Variants in UNC93B1 observed in about 807,000 individuals in gnomAD.
UNC93B1 encodes protein unc-93 homolog B1.
UNC93B1 carries 33 observed loss-of-function variants against 56.8 expected under a neutral mutation model. That is an observed-to-expected ratio of 0.58 (90% CI 0.44 to 0.78). The LOEUF (loss-of-function observed/expected upper bound fraction) is 0.78, where lower values mean the gene tolerates loss of function less well. Among genes scored for constraint, UNC93B1 ranks in the 30% least tolerant of loss-of-function variants. The pLI is 0.00. For synonymous variants in UNC93B1, 334 were observed against 358.6 expected (o/e 0.93, Z 0.77); for missense variants, 673 against 819.5 (o/e 0.82, Z 2.18).
At chr11:68,002,105 C>G (rs1857053376) in intron 3 of UNC93B1, among the ~76,000 whole-genome samples, 1 of 151,636 alleles carries the variant, frequency 6.6e-6, no homozygotes, top group South Asian at 2.1e-4. Flanking sequence ...CACCACTGCA[C>G]TGCAGTCTAG....
At position 68,003,530 on chromosome 11, in the gene UNC93B1, G is replaced by A; in HGVS notation, c.238+127C>T. 1 of 1,324,204 alleles carries A rather than the reference G, an allele frequency of 7.6e-7. No homozygotes were observed. Among genetic ancestry groups the A allele is most frequent in the Non-Finnish European group, 9.8e-7 (1 of 1,021,222 alleles). 82.0% of individuals were successfully genotyped at this position (1,324,204 alleles called of 1,614,324 possible). On this transcript the variant is annotated intron_variant, in intron 2 of 10. Coordinates refer to ENST00000227471, the MANE Select transcript of UNC93B1 (RefSeq NM_030930.4). The surrounding 1 kb of genome is among the most constrained non-coding windows in gnomAD (Gnocchi z 4.4). ...AACCCCACCCCCGCCGCGGGGGGCC[G>A]TGGCTGCAGCTGCGAGGGCAGCGGA...
intron 10 of UNC93B1, among the ~76,000 whole-genome samples, chr11:67,993,396 G>A (rs1466962074): frequency 2.0e-5 from 3 of 152,276 alleles, no homozygotes; most frequent in Non-Finnish European, 4.4e-5. Flanking sequence ...GCCATGAAGA[G>A]AGACAGACCC....
chr11:67,998,148 G>A (rs1260446844), intron 6 of UNC93B1, among the ~76,000 whole-genome samples: 2 of 152,230 alleles, frequency 1.3e-5, no homozygotes, highest in African/African-American at 4.8e-5. Flanking sequence ...AGCCCAGATG[G>A]TGCCTTCTCC....
intron 3 of UNC93B1, 125 bp from the exon 4 acceptor site, chr11:67,999,805 A>G: frequency 7.7e-7 from 1 of 1,291,162 alleles, no homozygotes; most frequent in South Asian, 1.5e-5. Flanking sequence ...AGTCGAGGGC[A>G]CTGAGATGGA....
chr11:67,993,354 G>T (rs145648798), intron 10 of UNC93B1, among the ~76,000 whole-genome samples: 2,124 of 152,316 alleles, frequency 0.014, 39 homozygotes, highest in African/African-American at 0.046. Flanking sequence ...CATTTTTTGT[G>T]AGCAGAGCAT....
chr11:67,996,033 C>T (rs1283046064), intron 8 of UNC93B1, 149 bp from the exon 9 acceptor site: 2 of 547,766 alleles, frequency 3.7e-6, no homozygotes, highest in Non-Finnish European at 5.8e-6. Flanking sequence ...CTCCCCGCAT[C>T]GTGGGGGGTG....
chr11:67,998,440 A>G lies in UNC93B1; in HGVS notation c.700T>C (p.Cys234Arg). Residue 234 changes from cysteine to arginine, a missense_variant, in exon 6 of 11, where the codon TGC becomes CGC. Physicochemically the swap from Cys to Arg is radical, Grantham distance 180. Around this residue, in one of 3 missense-constraint regions of UNC93B1, gnomAD observed 438 missense variants for 465.9 expected, o/e 0.94. Coordinates refer to ENST00000227471, the MANE Select transcript of UNC93B1 (RefSeq NM_030930.4). ...FYSFFHLSFACAQLPMIYFLN... is the reference protein window; with the variant it reads ...FYSFFHLSFARAQLPMIYFLN... ...AAATAAATCATGGGCAGCTGGGCGC[A>G]GGCGAAGCTCAGCTGCAGAAACAAG... 1 of 1,613,972 alleles carries G rather than the reference A, an allele frequency of 6.2e-7. No individual in the cohort carries two copies. The highest frequency in any genetic ancestry group is 8.5e-7 in the Non-Finnish European group (1 of 1,179,864).
rs561979746 is a variant in UNC93B1 at position 67,996,567 on chromosome 11, C to G, written c.1089+35G>C. On this transcript the variant is annotated intron_variant, in intron 8 of 10. Coordinates refer to ENST00000227471, the MANE Select transcript of UNC93B1 (RefSeq NM_030930.4). ...ATTCAAATTTACCTGGCTATCTTGTCTTTTGTCGGGCAATCCTTTGCAGGC... is the reference window on the plus strand; with the variant it reads ...ATTCAAATTTACCTGGCTATCTTGTGTTTTGTCGGGCAATCCTTTGCAGGC... 10 of 1,488,624 alleles carry G rather than the reference C, an allele frequency of 6.7e-6. No individual in the cohort carries two copies. In the Admixed American group the frequency reaches 2.0e-4, roughly 29 times the overall value. The allele number at this position is 1,488,624 out of a possible 1,614,324, so 92.2% of individuals were successfully genotyped here. A position where few individuals can be genotyped will look rare whatever the true frequency, so the allele number is the denominator to read the frequency against.
chr11:67,997,563 G>T, intron 7 of UNC93B1, 112 bp downstream of exon 7: 1 of 1,546,870 alleles, frequency 6.5e-7, no homozygotes, highest in African/African-American at 1.4e-5. Context: ...CCTGCCCCGA[G>T]GCCACAACCC....
At position 67,996,795 on chromosome 11, in the gene UNC93B1, A is replaced by AT; in HGVS notation, c.907-12dup. The AT allele has an allele frequency of 3.9e-6, 6 of 1,531,490 alleles. No individual in the cohort carries two copies. Among genetic ancestry groups the AT allele is most frequent in the Non-Finnish European group, 5.3e-6 (6 of 1,132,892 alleles). The allele number at this position is 1,531,490 out of a possible 1,614,324, so 94.9% of individuals were successfully genotyped here. On this transcript the variant is annotated splice_polypyrimidine_tract_variant and intron_variant, in intron 7 of 10. Transcript: ENST00000227471. ...GCACAAACCCAGCACCTGCGAACCC[A>AT]TTACTTGAAGGGGCGGCCAGCCAGG...
chr11:67,997,570 A>G, intron 7 of UNC93B1, 105 bp downstream of exon 7: 1 of 1,558,472 alleles, frequency 6.4e-7, no homozygotes, highest in Non-Finnish European at 8.6e-7. Flanking sequence ...CGAGGCCACA[A>G]CCCGACCCAG....
In UNC93B1 at chr11:68,003,478, C is replaced by T. The variant is rs868526252; in HGVS notation, c.238+179G>A. On this transcript the variant is annotated intron_variant, in intron 2 of 10. Coordinates refer to ENST00000227471, the MANE Select transcript of UNC93B1 (RefSeq NM_030930.4). This position sits in a 1 kb window ranked among gnomAD's most constrained non-coding sequence, Gnocchi z 4.4. ...CCACACCGAGGCTCTGGCTGGGACC[C>T]GGGGACGCTGCGCTACTTGACCCCC... The T allele has an allele frequency of 3.6e-4, 364 of 1,009,492 alleles. 2 individuals are homozygous for T. The Middle Eastern group carries it at 5.9e-3, about 16-fold the overall frequency. The allele number at this position is 1,009,492 out of a possible 1,614,324, so 62.5% of individuals were successfully genotyped here.
intron 4 of UNC93B1, 65 bp from the exon 5 acceptor site, chr11:67,999,370 C>A: frequency 6.4e-7 from 1 of 1,563,324 alleles, no homozygotes; most frequent in South Asian, 1.2e-5. Context: ...TGTCCTGCAC[C>A]CAGAGCTAGG....
rs1420420970 is a variant in UNC93B1, at chr11:67,995,740, G to T, written c.1234C>A (p.His412Asn). 1.6e-5 allele frequency: 25 copies of T among 1,548,564 alleles called. No homozygotes were observed. Among genetic ancestry groups the T allele is most frequent in the Non-Finnish European group, 2.0e-5 (23 of 1,146,930 alleles). The change falls in exon 9 of 11, where the codon CAC (histidine) becomes AAC (asparagine). Residue 412 changes from histidine (H) to asparagine (N), a missense_variant. This residue lies in a region of UNC93B1 where 155 missense variants were observed against 268.3 expected (regional missense o/e 0.58). Coordinates refer to ENST00000227471, the MANE Select transcript of UNC93B1 (RefSeq NM_030930.4). ...PVPLVAGAGV[H>N]LLLTFILFFW... ...AAGAGGATGAAGGTGAGCAGCAGGT[G>T]CACCCCTGCTCCGGCCACCAGGGGC...
chr11:68,001,177 A>G (rs1031077731), intron 3 of UNC93B1, among the ~76,000 whole-genome samples: 2 of 152,126 alleles, frequency 1.3e-5, no homozygotes, highest in Admixed American at 1.3e-4. Context: ...GCCTGGTGAT[A>G]GAGTGAGACT....
Position 67,999,282 on chromosome 11 carries a change from T to C in UNC93B1, c.578A>G (p.Tyr193Cys). The C allele has an allele frequency of 6.2e-7, 1 of 1,613,586 alleles. No individual in the cohort carries two copies. Among genetic ancestry groups the C allele is most frequent in the Non-Finnish European group, 8.5e-7 (1 of 1,179,784 alleles). ...ITRMAQKYHE[Y>C]SHYKEQDGQG... is the part of the protein sequence containing the mutation. ...CCCATCCTGCTCCTTGTAGTGGGAG[T>C]ACTCATGGTACTTCTGCGCCATCCT... Residue 193 changes from tyrosine to cysteine, a missense_variant, in exon 5 of 11, where the codon TAC (tyrosine) becomes TGC (cysteine). Physicochemically the swap from Tyr to Cys is radical, Grantham distance 194. This residue lies in a region of UNC93B1 where 438 missense variants were observed against 465.9 expected (regional missense o/e 0.94). Transcript: ENST00000227471.
In UNC93B1 at chr11:67,999,612, T is replaced by C. The variant is rs757832967; in HGVS notation, c.461A>G (p.Tyr154Cys). Residue 154 changes from tyrosine to cysteine, a missense_variant, in exon 4 of 11, where the codon TAC (tyrosine) becomes TGC (cysteine). By Grantham distance (194) the Tyr-to-Cys change is radical. This residue lies in a region of UNC93B1 where 438 missense variants were observed against 465.9 expected (regional missense o/e 0.94). Transcript: ENST00000227471. ...GIYALFVSTN[Y>C]WERYYTLVPS... ...CACAAGCGTGTAGTAGCGCTCCCAG[T>C]AGTTGGTGGAGACAAAGAGGGCGTA... is the stretch of plus-strand genomic sequence containing the variant. The C allele has an allele frequency of 1.9e-6, 3 of 1,609,744 alleles. No homozygotes were observed. Among genetic ancestry groups the C allele is most frequent in the Non-Finnish European group, 2.5e-6 (3 of 1,178,208 alleles).
chr11:67,996,719 C>T lies in UNC93B1; in HGVS notation c.972G>A (p.Trp324Ter). 1 of 1,553,898 alleles carries T rather than the reference C, an allele frequency of 6.4e-7. No homozygotes were observed. The highest frequency in any genetic ancestry group is 8.7e-7 in the Non-Finnish European group (1 of 1,148,354). The change falls in exon 8 of 11, where the codon TGG becomes TGA. Residue 324 changes from tryptophan (W) to a stop codon, truncating the protein, a stop_gained. Coordinates refer to ENST00000227471, the MANE Select transcript of UNC93B1 (RefSeq NM_030930.4). LOFTEE classifies it high-confidence loss of function. ...TEEIDLRSVGWGNIFQLPFKH... is the reference protein window; with the variant it reads ...TEEIDLRSVG ...TGAAGGGCAGCTGGAAGATGTTGCCCCAGCCCACGCTGCGCAGATCGATCT... is the reference window on the plus strand; with the variant it reads ...TGAAGGGCAGCTGGAAGATGTTGCCTCAGCCCACGCTGCGCAGATCGATCT...
Position 68,001,689 on chromosome 11 carries a change from AT to A in UNC93B1, c.392+1332del, listed in dbSNP as rs199808735. Among the ~76,000 whole-genome samples the A allele has an allele frequency of 4.5e-3, 660 of 146,336 alleles. 5 individuals carry two copies. The highest frequency in any genetic ancestry group is 0.011 in the Middle Eastern group (3 of 284). On this transcript the variant is annotated intron_variant, in intron 3 of 10. Coordinates refer to ENST00000227471, the MANE Select transcript of UNC93B1 (RefSeq NM_030930.4). The stretch of plus-strand genomic sequence containing the variant: ...TAATAATAAAATAAATAAACACATA[AT>A]TTAAAAAAAAAAAACAAGGAAACAG...
Sources: allele counts gnomAD v4.1 joint callset (sites outside exome capture counted in the v4.1 genomes callset), GRCh38; gene constraint gnomAD v4.1.1; regional missense constraint gnomAD v4.1.1; non-coding constraint Gnocchi (gnomAD v3.1); transcripts MANE v1.5; gene names NCBI Gene and HGNC (gene_info 2026-07-23, HGNC 2026-07-21).